Variants in CPEB1 observed in about 807,000 individuals in gnomAD.
CPEB1 encodes the protein cytoplasmic polyadenylation element binding protein 1.
In CPEB1, 7 loss-of-function variants were observed where a neutral mutation model predicts 65.8. The observed-to-expected ratio is 0.11, with a 90% CI of 0.06 to 0.20. The LOEUF is 0.20. CPEB1 is among the 10% of genes least tolerant of loss of function. The pLI is 1.00. For synonymous variants in CPEB1, 262 were observed against 260.0 expected (o/e 1.01, Z -0.08); for missense variants, 551 against 712.2 (o/e 0.77, Z 2.58).
chr15:82,601,146 T>C (rs1406134583), intron 3 of CPEB1, among the ~76,000 whole-genome samples: 5 of 150,716 alleles, frequency 3.3e-5, no homozygotes, highest in African/African-American at 1.2e-4. Context: ...CCTCAGGTGA[T>C]CCGCCCCCAC....
chr15:82,619,524 T>C (rs1480626069), intron 3 of CPEB1, among the ~76,000 whole-genome samples: 2 of 152,254 alleles, frequency 1.3e-5, no homozygotes, highest in East Asian at 1.9e-4. Flanking sequence ...AAGAAAATAA[T>C]TTTAATACAT....
At chr15:82,586,721 AT>A (rs2041834049) in intron 3 of CPEB1, among the ~76,000 whole-genome samples, 1 of 152,218 alleles carries the variant, frequency 6.6e-6, no homozygotes, top group Non-Finnish European at 1.5e-5. Context: ...TTTCACAGCT[AT>A]TCTAAATTTA....
chr15:82,632,172 T>C (rs906143758), intron 1 of CPEB1, among the ~76,000 whole-genome samples: 6 of 151,788 alleles, frequency 4.0e-5, no homozygotes, highest in South Asian at 4.2e-4. Flanking sequence ...TTAGTAGAGA[T>C]GGGGTTTCAC....
Position 82,544,472 on chromosome 15 carries a change from T to C in CPEB1, c.*120A>G. The C allele has an allele frequency of 1.5e-6, 1 of 661,812 alleles. No homozygotes were observed. Among genetic ancestry groups the C allele is most frequent in the South Asian group, 1.9e-5 (1 of 53,114 alleles). 41.0% of individuals were successfully genotyped at this position (661,812 alleles called of 1,614,324 possible). A position where few individuals can be genotyped will look rare whatever the true frequency, so the allele number is the denominator to read the frequency against. On this transcript the variant is annotated 3_prime_UTR_variant, in exon 13 of 13. Transcript: ENST00000684509. The stretch of plus-strand genomic sequence containing the variant: ...CAGATTCAGCAAGTGCAAAGGTGAC[T>C]ACAATTTTCCCTTGTCCTTGGGAAG...
In CPEB1 at chr15:82,647,046, C is replaced by CACCCGA. The variant is rs1450244384; in HGVS notation, c.-98+90_-98+91insTCGGGT. On this transcript the variant is annotated intron_variant, in intron 1 of 12. Coordinates refer to ENST00000684509, the MANE Select transcript of CPEB1 (RefSeq NM_001365242.1). ...CTCGCCAGGCTGAGGGTCCGAACAG[C>CACCCGA]ACAGCCCAGAGTGGGCTCGGGTCGC... is the stretch of plus-strand genomic sequence containing the variant. 3.3e-5 allele frequency: 5 copies of CACCCGA among 152,982 alleles called. No individual in the cohort carries two copies. In the East Asian group the frequency reaches 9.7e-4, roughly 30 times the overall value. 9.5% of individuals were successfully genotyped at this position (152,982 alleles called of 1,614,324 possible). A position where few individuals can be genotyped will look rare whatever the true frequency, so the allele number is the denominator to read the frequency against.
chr15:82,558,385 G>C (rs1384866675), intron 4 of CPEB1, among the ~76,000 whole-genome samples: 1 of 152,160 alleles, frequency 6.6e-6, no homozygotes. Flanking sequence ...CTGACGATTT[G>C]TTTATTAGAA....
At chr15:82,589,088 T>C (rs1315907311) in intron 3 of CPEB1, among the ~76,000 whole-genome samples, 1 of 152,202 alleles carries the variant, frequency 6.6e-6, no homozygotes, top group Non-Finnish European at 1.5e-5. Context: ...TCTCTATTAT[T>C]ACCATACTAG....
chr15:82,577,699 T>G (rs1296450872), intron 3 of CPEB1, among the ~76,000 whole-genome samples: 1 of 151,948 alleles, frequency 6.6e-6, no homozygotes, highest in Non-Finnish European at 1.5e-5. Flanking sequence ...GGGAAGTATA[T>G]TTTTGTAAAG....
chr15:82,544,305 C>G lies in CPEB1; in HGVS notation c.*287G>C. ...TTTTTTTTTTTTTTTCCCCGCTTTT[C>G]ATCTGCAAAATGAGGAACTAAAATC... On this transcript the variant is annotated 3_prime_UTR_variant, in exon 13 of 13. Transcript: ENST00000684509. 3 of 149,408 alleles carry G rather than the reference C, an allele frequency of 2.0e-5. No homozygotes were observed. Among genetic ancestry groups the G allele is most frequent in the Non-Finnish European group, 3.8e-5 (3 of 79,032 alleles). The allele number at this position is 149,408 out of a possible 1,614,324, so 9.3% of individuals were successfully genotyped here.
At chr15:82,571,826 G>A (rs1398085638) in intron 3 of CPEB1, 2 of 1,217,906 alleles carry the variant, frequency 1.6e-6, no homozygotes, top group Non-Finnish European at 2.1e-6. Context: ...AGCCGGCTGA[G>A]CCGTGCAATA....
At chr15:82,611,082 T>A (rs2044113952) in intron 3 of CPEB1, among the ~76,000 whole-genome samples, 1 of 150,914 alleles carries the variant, frequency 6.6e-6, no homozygotes, top group African/African-American at 2.4e-5. Flanking sequence ...AAGTCTGCTC[T>A]CTTCACTTCT....
intron 6 of CPEB1, among the ~76,000 whole-genome samples, chr15:82,554,893 A>G (rs2036921442): frequency 6.6e-6 from 1 of 152,266 alleles, no homozygotes; most frequent in African/African-American, 2.4e-5. Flanking sequence ...AAAGCATGGT[A>G]ATGTCATTTC....
At chr15:82,629,435 G>A (rs2046052159) in intron 1 of CPEB1, 6 of 981,692 alleles carry the variant, frequency 6.1e-6, no homozygotes, top group Non-Finnish European at 7.3e-6. Context: ...ATTACCGAAT[G>A]AAAAAAGAAC....
intron 3 of CPEB1, among the ~76,000 whole-genome samples, chr15:82,621,396 C>CG (rs2045288170): frequency 6.6e-6 from 1 of 151,400 alleles, no homozygotes; most frequent in Admixed American, 6.6e-5. Context: ...CCGAGGCAGG[C>CG]GGATCACCTG....
chr15:82,580,117 C>A (rs1471463403), intron 3 of CPEB1, among the ~76,000 whole-genome samples: 2 of 151,246 alleles, frequency 1.3e-5, no homozygotes, highest in African/African-American at 4.8e-5. Flanking sequence ...GTCAAGAGAT[C>A]GAGACCATCC....
intron 3 of CPEB1, among the ~76,000 whole-genome samples, chr15:82,594,359 C>CAA (rs367682928): frequency 2.2e-4 from 28 of 125,058 alleles, no homozygotes; most frequent in Admixed American, 1.1e-3. Flanking sequence ...CCTCATGAAC[C>CAA]AAAAAAAAAG....
intron 1 of CPEB1, chr15:82,629,407 T>A (rs1337165678): frequency 5.6e-5 from 55 of 984,906 alleles, no homozygotes; most frequent in East Asian, 1.1e-4. Flanking sequence ...TTAACTGGCA[T>A]GAGAAGATGG....
intron 4 of CPEB1, among the ~76,000 whole-genome samples, chr15:82,567,457 T>C (rs1388051263): frequency 2.0e-5 from 3 of 151,416 alleles, no homozygotes; most frequent in Non-Finnish European, 4.4e-5. Context: ...GCCAAGATGG[T>C]GAAACCCCGT....
intron 3 of CPEB1, among the ~76,000 whole-genome samples, chr15:82,593,789 T>C (rs1046102870): frequency 2.0e-5 from 3 of 152,236 alleles, no homozygotes; most frequent in South Asian, 4.1e-4. Flanking sequence ...ACTGATCTTG[T>C]GTCAGCAGGC....
Sources: allele counts gnomAD v4.1 joint callset (sites outside exome capture counted in the v4.1 genomes callset), GRCh38; gene constraint gnomAD v4.1.1; transcripts MANE v1.5; gene names NCBI Gene and HGNC (gene_info 2026-07-23, HGNC 2026-07-21).